Variants in ATXN2 observed in about 807,000 individuals in gnomAD.
The protein encoded by ATXN2 is ataxin 2, also known as ataxin-2.
ATXN2 carries 37 observed loss-of-function variants against 138.6 expected under a neutral mutation model. That is an observed-to-expected ratio of 0.27 (90% confidence interval 0.21 to 0.35). The LOEUF (loss-of-function observed/expected upper bound fraction) is 0.35. ATXN2 is among the 10% of genes least tolerant of loss of function. The probability of loss-of-function intolerance (pLI) is 1.00; values close to 1 mark genes in which losing one functional copy is unlikely to be tolerated. For synonymous variants in ATXN2, 549 were observed against 543.7 expected, an observed-to-expected ratio of 1.01 and a Z score of -0.13; for missense variants, 1,216 against 1,480.3, an observed-to-expected ratio of 0.82 and a Z score of 2.93.
chr12:111,456,340 C>T (rs1484626425), intron 22 of ATXN2, 84 bp from the exon 23 acceptor site: 4 of 1,426,970 alleles, frequency 2.8e-6, no homozygotes, highest in South Asian at 1.2e-5. Context: ...AAGCTTTGCA[C>T]ACTTGGGCCT....
At chr12:111,493,090 A>C (rs1219659661) in intron 14 of ATXN2, among the ~76,000 whole-genome samples, 1 of 152,110 alleles carries the variant, frequency 6.6e-6, no homozygotes, top group Non-Finnish European at 1.5e-5. Context: ...CAAGCAGCAG[A>C]AAACATTAGT....
At chr12:111,551,990 G>A (rs1396287660) in intron 5 of ATXN2, among the ~76,000 whole-genome samples, 1 of 151,612 alleles carries the variant, frequency 6.6e-6, no homozygotes, top group Non-Finnish European at 1.5e-5. Flanking sequence ...AAGCAATTCT[G>A]TCTCAGCCTC....
intron 18 of ATXN2, among the ~76,000 whole-genome samples, chr12:111,476,056 A>G (rs989711179): frequency 6.6e-6 from 1 of 152,178 alleles, no homozygotes; most frequent in African/African-American, 2.4e-5. Context: ...GGCTCAAGCA[A>G]TTCTCCTTCC....
At chr12:111,518,475 G>C in intron 8 of ATXN2, 48 bp from the exon 9 acceptor site, 1 of 1,532,078 alleles carries the variant, frequency 6.5e-7, no homozygotes, top group Non-Finnish European at 8.9e-7. Context: ...AAGGTACCAA[G>C]CCAATGAAAC....
intron 1 of ATXN2, among the ~76,000 whole-genome samples, chr12:111,592,494 C>A (rs182929588): frequency 6.6e-6 from 1 of 151,210 alleles, no homozygotes; most frequent in South Asian, 2.1e-4. Context: ...TAAAAAGATA[C>A]GGCAGCGGCC....
In ATXN2 at chr12:111,488,471, C is replaced by T; in HGVS notation, c.2240+5G>A. ...CAGGATGGTCTAAGTTCCAGGTTTA[C>T]TCACTCAGCTGCGTCTTTCTTCTCT... is the stretch of plus-strand genomic sequence containing the variant. On this transcript the variant is annotated splice_donor_5th_base_variant and intron_variant, in intron 15 of 24. Transcript: ENST00000673436. 1 of 1,600,250 alleles carries T rather than the reference C, an allele frequency of 6.2e-7. No individual in the cohort carries two copies. The highest frequency in any genetic ancestry group is 8.5e-7 in the Non-Finnish European group (1 of 1,172,838).
chr12:111,486,341 T>TAA (rs1481671942), intron 16 of ATXN2, among the ~76,000 whole-genome samples: 5 of 152,188 alleles, frequency 3.3e-5, no homozygotes, highest in Non-Finnish European at 7.4e-5. Flanking sequence ...TTATAATACC[T>TAA]AAAACAAGGT....
intron 14 of ATXN2, among the ~76,000 whole-genome samples, chr12:111,498,061 A>C (rs1380455235): frequency 1.3e-5 from 2 of 151,960 alleles, no homozygotes; most frequent in Non-Finnish European, 2.9e-5. Flanking sequence ...GTATAGAAGG[A>C]ATATACCTCA....
At chr12:111,542,708 C>G (rs1388268880) in intron 5 of ATXN2, among the ~76,000 whole-genome samples, 1 of 151,974 alleles carries the variant, frequency 6.6e-6, no homozygotes, top group African/African-American at 2.4e-5. Context: ...CTCATCCTCC[C>G]GCCTCAGCCT....
intron 12 of ATXN2, 99 bp from the exon 13 acceptor site, chr12:111,510,097 A>G: frequency 1.1e-6 from 1 of 921,148 alleles, no homozygotes; most frequent in East Asian, 2.6e-5. Flanking sequence ...TTGGAAAATA[A>G]TGCTTTCATT....
At chr12:111,593,610 T>TAAAAA (rs796284474) in intron 1 of ATXN2, among the ~76,000 whole-genome samples, 1 of 141,114 alleles carries the variant, frequency 7.1e-6, no homozygotes, top group Non-Finnish European at 1.6e-5. Context: ...ATTTTTCTCT[T>TAAAAA]AAAAAAAAAA....
chr12:111,457,074 C>T, intron 22 of ATXN2, 140 bp downstream of exon 22: 1 of 1,107,544 alleles, frequency 9.0e-7, no homozygotes, highest in Non-Finnish European at 1.3e-6. Flanking sequence ...AAAACCACCA[C>T]CCCAGGGGCA....
At chr12:111,547,704 G>A (rs772334754) in intron 5 of ATXN2, among the ~76,000 whole-genome samples, 8 of 146,314 alleles carry the variant, frequency 5.5e-5, no homozygotes, top group Non-Finnish European at 8.9e-5. Context: ...CAGCCTGGGC[G>A]ACAAGAGCAA....
chr12:111,548,632 T>C (rs1039763844), intron 5 of ATXN2, among the ~76,000 whole-genome samples: 1 of 151,940 alleles, frequency 6.6e-6, no homozygotes, highest in Admixed American at 6.6e-5. Context: ...AAACACTCTA[T>C]CTATCCATTC....
At chr12:111,588,991 CAA>C (rs58116265) in intron 1 of ATXN2, among the ~76,000 whole-genome samples, 1,411 of 38,434 alleles carry the variant, frequency 0.037, 3 homozygotes, top group Admixed American at 0.072. Flanking sequence ...CGAGATTTCT[CAA>C]AAAAAAAAAA....
chr12:111,554,072 G>T, intron 3 of ATXN2, 86 bp downstream of exon 3: 1 of 902,954 alleles, frequency 1.1e-6, no homozygotes, highest in Non-Finnish European at 1.7e-6. Context: ...ATGTTACTTT[G>T]ACAATCATTT....
At chr12:111,475,219 A>T (rs1282104010) in intron 18 of ATXN2, among the ~76,000 whole-genome samples, 1 of 151,382 alleles carries the variant, frequency 6.6e-6, no homozygotes, top group Non-Finnish European at 1.5e-5. Context: ...GTCTCAAAAA[A>T]AAAAGGCTGG....
chr12:111,580,743 A>G (rs1883952195), intron 1 of ATXN2, among the ~76,000 whole-genome samples: 6 of 151,152 alleles, frequency 4.0e-5, no homozygotes. Context: ...AAAGAAAAAG[A>G]AAGGAAAAAA....
Position 111,581,717 on chromosome 12 carries a change from C to T in ATXN2, c.251+17067G>A, listed in dbSNP as rs890619232. 18 of 658,990 alleles carry T rather than the reference C, an allele frequency of 2.7e-5. No homozygotes were observed. The East Asian group carries it at 4.4e-4, about 16-fold the overall frequency. The allele number at this position is 658,990 out of a possible 1,614,324, so 40.8% of individuals were successfully genotyped here. ...CCTGAACATCTGGGCCCTGATTGTG[C>T]GCATCATTACGACCATTCTGCTCAG... On this transcript the variant is annotated intron_variant, in intron 1 of 24. Coordinates refer to ENST00000673436, the MANE Select transcript of ATXN2 (RefSeq NM_001372574.1).
Sources: allele counts gnomAD v4.1 joint callset (sites outside exome capture counted in the v4.1 genomes callset), GRCh38; gene constraint gnomAD v4.1.1; transcripts MANE v1.5; gene names NCBI Gene and HGNC (gene_info 2026-07-23, HGNC 2026-07-21).